HMCN1: variants seen among roughly 807,000 people sequenced by gnomAD.
HMCN1 encodes hemicentin 1.
In HMCN1, 321 loss-of-function variants were observed where a neutral mutation model predicts 625.9. The ratio of observed to expected loss-of-function variants is 0.51; its 90% confidence interval spans 0.47 to 0.56. The LOEUF is 0.56. Ranked by LOEUF, HMCN1 falls within the 20% of genes least tolerant of loss-of-function variation. The pLI is 0.00. For synonymous variants in HMCN1, 2,425 were observed against 2,417.6 expected (o/e 1.00, Z -0.09); for missense variants, 6,588 against 6,887.3 (o/e 0.96, Z 1.54).
rs114288702 is a variant in HMCN1, at chr1:185,736,503, G to A, written c.268+1456G>A. ...TTGAGTATGTTTCTTCTAGATGGAT[G>A]AGTCTGAAGTTAGCTAAAAAATGAA... On this transcript the variant is annotated intron_variant, in intron 1 of 106. Coordinates refer to ENST00000271588, the MANE Select transcript of HMCN1 (RefSeq NM_031935.3). Among the ~76,000 whole-genome samples, 884 of 152,250 alleles carry A rather than the reference G, an allele frequency of 5.8e-3. 3 individuals are homozygous for A. Among genetic ancestry groups the A allele is most frequent in the African/African-American group, 0.02 (838 of 41,528 alleles).
In HMCN1 at chr1:186,174,688, T is replaced by C. The variant is rs199634445; in HGVS notation, c.15943+46T>C. 3 of 1,594,868 alleles carry C rather than the reference T, an allele frequency of 1.9e-6. No homozygotes were observed. In the East Asian group the frequency reaches 6.7e-5, roughly 36 times the overall value. ...TGAGCAATAAAGCTACTGATGTAGTTACCTAGCCTTACCAACTCGCTTAGG... is the reference window on the plus strand; with the variant it reads ...TGAGCAATAAAGCTACTGATGTAGTCACCTAGCCTTACCAACTCGCTTAGG... On this transcript the variant is annotated intron_variant, in intron 103 of 106. Transcript: ENST00000271588.
intron 86 of HMCN1, among the ~76,000 whole-genome samples, chr1:186,132,830 T>C (rs1662016679): frequency 6.6e-6 from 1 of 152,038 alleles, no homozygotes; most frequent in Non-Finnish European, 1.5e-5. Context: ...TGTGTGATGT[T>C]CCCCTTCCTG....
At chr1:185,848,252 G>A (rs577936854) in intron 2 of HMCN1, among the ~76,000 whole-genome samples, 1 of 152,010 alleles carries the variant, frequency 6.6e-6, no homozygotes, top group Non-Finnish European at 1.5e-5. Flanking sequence ...AGTAGCATTA[G>A]CTAGTGACCA....
In HMCN1 at chr1:186,061,908, G is replaced by A; in HGVS notation, c.7370G>A (p.Cys2457Tyr). Residue 2457 changes from cysteine to tyrosine, a missense_variant, in exon 47 of 107, where the codon TGC becomes TAC. Physicochemically the swap from Cys to Tyr is radical, Grantham distance 194. Transcript: ENST00000271588. ...TTMEDAGQYT[C>Y]VVRNAAGEER... ...ATGGAAGATGCTGGCCAATATACTT[G>A]CGTTGTAAGGAATGCAGCTGGTGAA... 3 of 1,613,212 alleles carry A rather than the reference G, an allele frequency of 1.9e-6. No homozygotes were observed.
Position 186,145,775 on chromosome 1 carries a change from G to A in HMCN1, c.14460G>A (p.Trp4820Ter), listed in dbSNP as rs1650279513. The A allele has an allele frequency of 6.2e-7, 1 of 1,614,024 alleles. No homozygotes were observed. The highest frequency in any genetic ancestry group is 1.7e-5 in the Admixed American group (1 of 60,010). ...CAGTGGATGGAAGTTGGGGAAGCTGGCATAGTTGGAGCCAGTGCTCTGCCT... is the reference window on the plus strand; with the variant it reads ...CAGTGGATGGAAGTTGGGGAAGCTGACATAGTTGGAGCCAGTGCTCTGCCT... ...MCPVDGSWGS[W>*]HSWSQCSASC... The change falls in exon 93 of 107, where the codon TGG becomes TGA. Residue 4820 changes from tryptophan (W) to a stop codon, truncating the protein, a stop_gained. Transcript: ENST00000271588. LOFTEE classifies it high-confidence loss of function.
At chr1:185,983,483 T>C (rs1277331679) in intron 18 of HMCN1, among the ~76,000 whole-genome samples, 1 of 152,182 alleles carries the variant, frequency 6.6e-6, no homozygotes, top group African/African-American at 2.4e-5. Flanking sequence ...TAAGAAAATG[T>C]AAAATTTCAT....
intron 4 of HMCN1, among the ~76,000 whole-genome samples, chr1:185,893,947 A>G (rs1665312766): frequency 6.6e-6 from 1 of 152,110 alleles, no homozygotes; most frequent in Non-Finnish European, 1.5e-5. Flanking sequence ...CACATGGTTT[A>G]TCATTATACT....
intron 83 of HMCN1, among the ~76,000 whole-genome samples, chr1:186,129,089 T>C (rs1469403518): frequency 6.6e-6 from 1 of 151,974 alleles, no homozygotes; most frequent in East Asian, 1.9e-4. Context: ...CACTAAAAAA[T>C]CTAATCTATA....
At chr1:186,157,598 AC>A (rs1407149456) in intron 97 of HMCN1, among the ~76,000 whole-genome samples, 2 of 151,902 alleles carry the variant, frequency 1.3e-5, no homozygotes, top group African/African-American at 4.8e-5. Flanking sequence ...AACTCCCCCC[AC>A]CCCAAAACAG....
At chr1:186,025,156 C>T (rs1654981157) in intron 36 of HMCN1, among the ~76,000 whole-genome samples, 1 of 151,918 alleles carries the variant, frequency 6.6e-6, no homozygotes. Flanking sequence ...CAATAGGGTT[C>T]GTACTCCTAG....
intron 1 of HMCN1, among the ~76,000 whole-genome samples, chr1:185,785,039 T>C (rs1486918368): frequency 6.6e-6 from 1 of 152,084 alleles, no homozygotes; most frequent in African/African-American, 2.4e-5. Flanking sequence ...TAATTAATAT[T>C]CCATTGTATA....
intron 53 of HMCN1, among the ~76,000 whole-genome samples, chr1:186,076,218 A>G (rs1227941425): frequency 6.6e-6 from 1 of 152,102 alleles, no homozygotes; most frequent in Non-Finnish European, 1.5e-5. Context: ...TCTGAGCCTC[A>G]TACTTCTTGT....
chr1:185,849,654 A>G (rs901752521), intron 2 of HMCN1, among the ~76,000 whole-genome samples: 1 of 152,218 alleles, frequency 6.6e-6, no homozygotes, highest in Non-Finnish European at 1.5e-5. Context: ...GGCATAGGGT[A>G]TGAAACTGGA....
At chr1:186,143,291 C>T (rs1249622795) in intron 89 of HMCN1, among the ~76,000 whole-genome samples, 1 of 152,200 alleles carries the variant, frequency 6.6e-6, no homozygotes, top group East Asian at 1.9e-4. Context: ...CTTTGAGGCT[C>T]TTATTTCTGC....
chr1:185,765,946 C>T (rs1655843677), intron 1 of HMCN1, among the ~76,000 whole-genome samples: 1 of 152,106 alleles, frequency 6.6e-6, no homozygotes, highest in African/African-American at 2.4e-5. Flanking sequence ...GTAAAAAGCT[C>T]CTCTTCTTCC....
At position 186,123,135 on chromosome 1, in the gene HMCN1, C is replaced by T; in HGVS notation, c.12414C>T (p.Val4138=). Residue 4138 remains valine, a synonymous_variant, in exon 81 of 107, where the codon GTC becomes GTT. Coordinates refer to ENST00000271588, the MANE Select transcript of HMCN1 (RefSeq NM_031935.3). The stretch of plus-strand genomic sequence containing the variant: ...CTGGCTCTCTGCAAATAGCATTTGT[C>T]CAGCCTGGTGATGCTGGCCATTACA... ...LSSGSLQIAF[V]QPGDAGHYTC... The T allele has an allele frequency of 6.2e-7, 1 of 1,614,038 alleles. No individual in the cohort carries two copies. The highest frequency in any genetic ancestry group is 8.5e-7 in the Non-Finnish European group (1 of 1,179,964).
At chr1:186,184,618 A>T (rs992059292) in intron 105 of HMCN1, among the ~76,000 whole-genome samples, 6 of 152,194 alleles carry the variant, frequency 3.9e-5, no homozygotes, top group Non-Finnish European at 8.8e-5. Flanking sequence ...GCTCTTATTC[A>T]TCCGTGTTTT....
chr1:185,994,853 G>A lies in HMCN1; in HGVS notation c.3544G>A (p.Val1182Ile). ...ACAGCGTGGACCTAAACATCTCAAA[G>A]TCCAAGTTGGTCAAAGAGTGGATAT... ...KIQRGPKHLK[V>I]QVGQRVDIPC... The change falls in exon 24 of 107, where the codon GTC becomes ATC. Residue 1182 changes from valine (V) to isoleucine (I), a missense_variant. Around this residue, in one of 3 missense-constraint regions of HMCN1, gnomAD observed 4,628 missense variants for 4,853.1 expected, o/e 0.95. Transcript: ENST00000271588. 2 of 1,613,724 alleles carry A rather than the reference G, an allele frequency of 1.2e-6. No individual in the cohort carries two copies. Among genetic ancestry groups the A allele is most frequent in the Non-Finnish European group, 1.7e-6 (2 of 1,179,724 alleles).
chr1:185,768,000 A>C (rs932079577), intron 1 of HMCN1, among the ~76,000 whole-genome samples: 1 of 152,208 alleles, frequency 6.6e-6, no homozygotes, highest in African/African-American at 2.4e-5. Flanking sequence ...TATTAATGTT[A>C]ATAGCCCTTA....
Sources: allele counts gnomAD v4.1 joint callset (sites outside exome capture counted in the v4.1 genomes callset), GRCh38; gene constraint gnomAD v4.1.1; regional missense constraint gnomAD v4.1.1; transcripts MANE v1.5; gene names NCBI Gene and HGNC (gene_info 2026-07-23, HGNC 2026-07-21).